The following MND1 variants were observed in gnomAD, a reference collection of about 807,000 sequenced individuals.
MND1 encodes meiotic nuclear divisions 1, also known as meiotic nuclear division protein 1 homolog.
Under a neutral mutation model 35.1 loss-of-function variants are expected in MND1, and 28 were observed. The observed-to-expected ratio is 0.80, with a 90% CI of 0.59 to 1.09. The LOEUF is 1.09. Among genes scored for constraint, MND1 ranks in the 50% least tolerant of loss-of-function variants. MND1 has a pLI of 0.00. For missense variants in MND1, 213 were observed against 239.6 expected (o/e 0.89, Z 0.73); for synonymous variants, 69 against 70.5 (o/e 0.98, Z 0.11).
intron 4 of MND1, among the ~76,000 whole-genome samples, chr4:153,360,639 T>C (rs1409007349): frequency 6.9e-6 from 1 of 145,460 alleles, no homozygotes; most frequent in East Asian, 2.0e-4. Context: ...TACACACATA[T>C]ATACACAAAA....
intron 6 of MND1, among the ~76,000 whole-genome samples, chr4:153,403,208 G>A (rs904033014): frequency 7.9e-5 from 12 of 152,116 alleles, no homozygotes; most frequent in South Asian, 6.2e-4. Context: ...AATATAGAAG[G>A]CCTACATGCA....
chr4:153,353,412 T>C (rs1345103163), intron 2 of MND1, among the ~76,000 whole-genome samples: 2 of 51,564 alleles, frequency 3.9e-5, no homozygotes, highest in African/African-American at 8.4e-5. Context: ...CACATATATA[T>C]ATATATATAT....
intron 4 of MND1, among the ~76,000 whole-genome samples, chr4:153,360,703 TTG>T (rs1190858792): frequency 1.3e-4 from 20 of 148,342 alleles, no homozygotes; most frequent in Admixed American, 6.8e-4. Flanking sequence ...ATAAATATTT[TTG>T]TGTGTGTGTG....
At chr4:153,380,759 A>G (rs1202135071) in intron 4 of MND1, among the ~76,000 whole-genome samples, 1 of 152,210 alleles carries the variant, frequency 6.6e-6, no homozygotes, top group Non-Finnish European at 1.5e-5. Flanking sequence ...AATTGTTGAA[A>G]TTAAACGACT....
chr4:153,356,843 CCCAGGCTGGAGCCCAGTGGT>C (rs909903979), intron 3 of MND1, among the ~76,000 whole-genome samples: 10 of 151,894 alleles, frequency 6.6e-5, no homozygotes, highest in Admixed American at 2.6e-4. Flanking sequence ...TACTCTGTCA[CCCAGGCTGGAGCCCAGTGGT>C]CCAGGCTGGA....
At chr4:153,410,953 T>C (rs1303319881) in intron 7 of MND1, among the ~76,000 whole-genome samples, 1 of 152,144 alleles carries the variant, frequency 6.6e-6, no homozygotes, top group East Asian at 1.9e-4. Context: ...ATGGTGCCAC[T>C]GCACTCCAGC....
intron 7 of MND1, among the ~76,000 whole-genome samples, chr4:153,414,285 CTT>C (rs72529287): frequency 0.19 from 28,177 of 147,360 alleles, 2,782 homozygotes; most frequent in African/African-American, 0.26. Flanking sequence ...TATTTAAATA[CTT>C]TTTTTTTTTT....
At chr4:153,372,323 G>A (rs1026357602) in intron 4 of MND1, among the ~76,000 whole-genome samples, 7 of 151,202 alleles carry the variant, frequency 4.6e-5, no homozygotes, top group Admixed American at 3.3e-4. Context: ...CAATAAAAAC[G>A]AGGTATGCCT....
chr4:153,353,192 C>G (rs1442987146), intron 2 of MND1, among the ~76,000 whole-genome samples: 1 of 151,730 alleles, frequency 6.6e-6, no homozygotes, highest in African/African-American at 2.4e-5. Flanking sequence ...ATTTATTCCT[C>G]GATGAGCAAA....
intron 5 of MND1, 45 bp from the exon 6 acceptor site, chr4:153,397,174 G>A: frequency 7.4e-7 from 1 of 1,346,782 alleles, no homozygotes; most frequent in Admixed American, 2.1e-5. Flanking sequence ...ACAACATATA[G>A]AATTTTGTTT....
chr4:153,403,967 G>A (rs929120679), intron 6 of MND1, among the ~76,000 whole-genome samples: 2 of 151,858 alleles, frequency 1.3e-5, no homozygotes, highest in Admixed American at 1.3e-4. Flanking sequence ...ATGTTACTCA[G>A]GCTAACATTA....
intron 1 of MND1, among the ~76,000 whole-genome samples, chr4:153,348,938 T>C (rs1185692084): frequency 6.6e-6 from 1 of 152,262 alleles, no homozygotes; most frequent in African/African-American, 2.4e-5. Context: ...TTTGGTTGGA[T>C]GGGGCAGTCT....
intron 4 of MND1, among the ~76,000 whole-genome samples, chr4:153,379,943 G>A (rs1302889137): frequency 1.3e-5 from 2 of 150,214 alleles, no homozygotes; most frequent in Non-Finnish European, 3.0e-5. Flanking sequence ...GATGGCTTGA[G>A]CCCAAGAGAT....
At chr4:153,352,313 G>C (rs1181783429) in intron 2 of MND1, among the ~76,000 whole-genome samples, 9 of 152,118 alleles carry the variant, frequency 5.9e-5, no homozygotes, top group Non-Finnish European at 1.3e-4. Context: ...GTGTGTGTGT[G>C]GGTTTTGGAG....
At chr4:153,385,303 G>A (rs777368287) in intron 4 of MND1, among the ~76,000 whole-genome samples, 2 of 152,160 alleles carry the variant, frequency 1.3e-5, no homozygotes, top group African/African-American at 2.4e-5. Flanking sequence ...ATATGAAAGA[G>A]ATTATTATTA....
rs193162890 is a variant in MND1 at position 153,348,365 on chromosome 4, T to A, written c.4-1699T>A. Among the ~76,000 whole-genome samples, 11 of 152,226 alleles carry A rather than the reference T, an allele frequency of 7.2e-5. No individual in the cohort carries two copies. The East Asian group carries it at 1.9e-3, about 27-fold the overall frequency. On this transcript the variant is annotated intron_variant, in intron 1 of 7. Transcript: ENST00000240488. ...TTTAGACTGACGGAGTTGAAGTTTG[T>A]CCAGCAGGCGGGTAGATGCATGACA...
In MND1 at chr4:153,344,709, C is replaced by T. The variant is rs971183686; in HGVS notation, c.-29C>T. On this transcript the variant is annotated 5_prime_UTR_variant, in exon 1 of 8. Transcript: ENST00000240488. Reference sequence around the variant, plus strand: ...CCGCCCCTCTCCCCAAGCGCGGGCCCGGCCAGCGGAAGCCCCTGCGCCCGC... The same window carrying T: ...CCGCCCCTCTCCCCAAGCGCGGGCCTGGCCAGCGGAAGCCCCTGCGCCCGC... 1.9e-6 allele frequency: 3 copies of T among 1,584,500 alleles called. No homozygotes were observed. Among genetic ancestry groups the T allele is most frequent in the African/African-American group, 2.8e-5 (2 of 72,318 alleles).
chr4:153,403,982 A>C (rs1051554708), intron 6 of MND1, among the ~76,000 whole-genome samples: 16 of 151,994 alleles, frequency 1.1e-4, no homozygotes. Context: ...ACATTATTTT[A>C]AATGTCCAGT....
chr4:153,411,105 C>T (rs1183400428), intron 7 of MND1, among the ~76,000 whole-genome samples: 1 of 152,152 alleles, frequency 6.6e-6, no homozygotes, highest in Non-Finnish European at 1.5e-5. Context: ...ATAGAAATGC[C>T]ACATCTAAAT....
Sources: allele counts gnomAD v4.1 joint callset (sites outside exome capture counted in the v4.1 genomes callset), GRCh38; gene constraint gnomAD v4.1.1; transcripts MANE v1.5; gene names NCBI Gene and HGNC (gene_info 2026-07-23, HGNC 2026-07-21).